Variants in RPAP2 observed in about 807,000 individuals in gnomAD.
The protein encoded by RPAP2 is RNA polymerase II associated protein 2, also known as putative RNA polymerase II subunit B1 CTD phosphatase RPAP2.
A neutral mutation model predicts 73.1 loss-of-function variants in RPAP2; 52 were observed. The ratio of observed to expected loss-of-function variants is 0.71; its 90% CI spans 0.57 to 0.90. The LOEUF (loss-of-function observed/expected upper bound fraction) is 0.90, where lower values mean the gene tolerates loss of function less well. RPAP2 is among the 40% of genes least tolerant of loss of function. The probability of loss-of-function intolerance (pLI) is 0.00; values close to 1 mark genes in which losing one functional copy is unlikely to be tolerated. For synonymous variants in RPAP2, 225 were observed against 242.1 expected (o/e 0.93, Z 0.65); for missense variants, 598 against 701.8 (o/e 0.85, Z 1.67).
chr1:92,368,765 A>G (rs1191592898), intron 11 of RPAP2, among the ~76,000 whole-genome samples: 1 of 152,208 alleles, frequency 6.6e-6, no homozygotes, highest in East Asian at 1.9e-4. Flanking sequence ...ACTTGTCCTA[A>G]CCTGATTTAC....
At chr1:92,339,342 C>T (rs1413760902) in intron 10 of RPAP2, among the ~76,000 whole-genome samples, 2 of 137,506 alleles carry the variant, frequency 1.5e-5, no homozygotes, top group Non-Finnish European at 3.1e-5. Flanking sequence ...GCCCCCCAAT[C>T]CCCCAAGGAT....
intron 11 of RPAP2, among the ~76,000 whole-genome samples, chr1:92,371,724 G>A (rs1655161469): frequency 6.6e-6 from 1 of 150,864 alleles, no homozygotes; most frequent in Non-Finnish European, 1.5e-5. Context: ...CTTATATGTG[G>A]AATCTTAAAA....
intron 11 of RPAP2, among the ~76,000 whole-genome samples, chr1:92,376,886 G>A (rs1032632873): frequency 6.6e-6 from 1 of 152,182 alleles, no homozygotes; most frequent in Non-Finnish European, 1.5e-5. Context: ...TGAACTTGGG[G>A]AAGATACTTC....
chr1:92,329,227 A>G (rs1205437743), intron 8 of RPAP2, among the ~76,000 whole-genome samples: 1 of 152,184 alleles, frequency 6.6e-6, no homozygotes, highest in African/African-American at 2.4e-5. Context: ...CCAAGAGATT[A>G]AGTCCTTTGT....
chr1:92,303,533 CTT>C (rs535507161), intron 3 of RPAP2, among the ~76,000 whole-genome samples: 43 of 152,176 alleles, frequency 2.8e-4, no homozygotes, highest in African/African-American at 1.0e-3. Flanking sequence ...AACAATGACA[CTT>C]TTGAAATACT....
chr1:92,350,832 T>C (rs1654165999), intron 11 of RPAP2, among the ~76,000 whole-genome samples: 2 of 152,084 alleles, frequency 1.3e-5, no homozygotes, highest in South Asian at 4.1e-4. Context: ...CTCTGGAGGC[T>C]GAGGCAGGAA....
At chr1:92,332,531 C>T (rs1653030003) in intron 8 of RPAP2, among the ~76,000 whole-genome samples, 1 of 152,028 alleles carries the variant, frequency 6.6e-6, no homozygotes. Flanking sequence ...ACTGGAGACT[C>T]AGGATGATGT....
intron 6 of RPAP2, among the ~76,000 whole-genome samples, 178 bp from the exon 7 acceptor site, chr1:92,320,421 C>T (rs548649505): frequency 3.7e-4 from 57 of 152,040 alleles, no homozygotes; most frequent in African/African-American, 1.3e-3. Context: ...TACAGGCGCG[C>T]ACCGCCATGT....
At chr1:92,353,484 T>G (rs1051521706) in intron 11 of RPAP2, among the ~76,000 whole-genome samples, 1 of 152,220 alleles carries the variant, frequency 6.6e-6, no homozygotes, top group Non-Finnish European at 1.5e-5. Flanking sequence ...TTTAGGAATT[T>G]CTACTATACA....
intron 10 of RPAP2, among the ~76,000 whole-genome samples, chr1:92,343,065 A>G (rs1245841705): frequency 2.0e-5 from 3 of 152,226 alleles, no homozygotes; most frequent in Non-Finnish European, 4.4e-5. Context: ...GGATAACATC[A>G]CCAAGGGAAA....
intron 11 of RPAP2, among the ~76,000 whole-genome samples, chr1:92,371,131 C>G (rs1231533604): frequency 6.6e-6 from 1 of 151,808 alleles, no homozygotes; most frequent in African/African-American, 2.4e-5. Context: ...ATGGTGAAAC[C>G]CCGTCTCTAC....
intron 11 of RPAP2, among the ~76,000 whole-genome samples, chr1:92,351,305 C>CAAAAAAAAAA (rs60111119): frequency 1.5e-4 from 13 of 86,834 alleles, no homozygotes; most frequent in African/African-American, 5.5e-4. Context: ...GACTCTGTCT[C>CAAAAAAAAAA]AAAAAAAAAA....
At chr1:92,335,285 T>C (rs901560606) in intron 9 of RPAP2, among the ~76,000 whole-genome samples, 1 of 152,128 alleles carries the variant, frequency 6.6e-6, no homozygotes, top group Non-Finnish European at 1.5e-5. Context: ...GTAGCAAAAA[T>C]TAAGAAATTG....
intron 11 of RPAP2, among the ~76,000 whole-genome samples, chr1:92,369,126 A>ATCTT (rs1441291141): frequency 1.3e-5 from 2 of 152,178 alleles, no homozygotes; most frequent in African/African-American, 4.8e-5. Flanking sequence ...TTCAACAGAA[A>ATCTT]TCTTTTGTTT....
chr1:92,349,251 T>A (rs1187583673), intron 11 of RPAP2, among the ~76,000 whole-genome samples: 1 of 152,244 alleles, frequency 6.6e-6, no homozygotes, highest in Non-Finnish European at 1.5e-5. Flanking sequence ...ATGGCAGTTG[T>A]CACTTAAGAT....
chr1:92,338,910 A>G (rs1653439555), intron 10 of RPAP2, among the ~76,000 whole-genome samples: 1 of 151,918 alleles, frequency 6.6e-6, no homozygotes, highest in African/African-American at 2.4e-5. Flanking sequence ...GCTCCTGACC[A>G]TTTCATTGAT....
At position 92,314,419 on chromosome 1, in the gene RPAP2, A is replaced by G. The variant is rs1651790386; in HGVS notation, c.489-6180A>G. On this transcript the variant is annotated intron_variant, in intron 6 of 12. Transcript: ENST00000610020. The stretch of plus-strand genomic sequence containing the variant: ...AGTTGCATACATTTTTACATTTTTA[A>G]CATCTGTGCAATTGAAATGGATCTC... Among the ~76,000 whole-genome samples, 4 of 150,860 alleles carry G rather than the reference A, an allele frequency of 2.7e-5. No homozygotes were observed. In the South Asian group the frequency reaches 8.3e-4, roughly 31 times the overall value.
intron 12 of RPAP2, among the ~76,000 whole-genome samples, chr1:92,385,927 G>T (rs908854866): frequency 6.6e-6 from 1 of 152,180 alleles, no homozygotes; most frequent in Non-Finnish European, 1.5e-5. Context: ...TAGAATGGAA[G>T]ATCTCCTTCA....
chr1:92,397,546 G>A lies in RPAP2; in HGVS notation c.*10535G>A, dbSNP rs7517541. 72,056 of 151,904 alleles carry A rather than the reference G, an allele frequency of 0.47. 18,114 individuals carry two copies. The highest frequency in any genetic ancestry group is 0.96 in the East Asian group (4,982 of 5,166). 9.4% of individuals were successfully genotyped at this position (151,904 alleles called of 1,614,324 possible). The stretch of plus-strand genomic sequence containing the variant: ...CAGTATAGAAACTAAGGATCCAAGT[G>A]GACAACTGCCACCAAGTCACCACAG... On this transcript the variant is annotated 3_prime_UTR_variant, in exon 13 of 13. Transcript: ENST00000610020.
Sources: allele counts gnomAD v4.1 joint callset (sites outside exome capture counted in the v4.1 genomes callset), GRCh38; gene constraint gnomAD v4.1.1; transcripts MANE v1.5; gene names NCBI Gene and HGNC (gene_info 2026-07-23, HGNC 2026-07-21).